The following PER2 variants were observed in gnomAD, a reference collection of about 807,000 sequenced individuals.
The protein encoded by PER2 is period circadian protein homolog 2.
In PER2, 66 loss-of-function variants were observed where a neutral mutation model predicts 121.0. That is an observed-to-expected ratio of 0.55 (90% CI 0.45 to 0.67). The LOEUF is 0.67. PER2 is among the 30% of genes least tolerant of loss of function. PER2 has a pLI of 0.00. For missense variants in PER2, 1,521 were observed against 1,635.0 expected, an observed-to-expected ratio of 0.93 and a Z score of 1.20; for synonymous variants, 684 against 659.9, an observed-to-expected ratio of 1.04 and a Z score of -0.56.
At chr2:238,277,021 G>A in intron 3 of PER2, 110 bp downstream of exon 3, 1 of 843,992 alleles carries the variant, frequency 1.2e-6, no homozygotes. Context: ...ACACAGATGG[G>A]TTTTAGCACA....
intron 6 of PER2, among the ~76,000 whole-genome samples, chr2:238,269,308 C>CA (rs1696210956): frequency 6.6e-6 from 1 of 152,214 alleles, no homozygotes; most frequent in South Asian, 2.1e-4. Flanking sequence ...CTGCTGCAAA[C>CA]ACACCAACTA....
At chr2:238,257,513 A>G (rs965207196) in intron 16 of PER2, among the ~76,000 whole-genome samples, 3 of 152,118 alleles carry the variant, frequency 2.0e-5, no homozygotes, top group Non-Finnish European at 4.4e-5. Flanking sequence ...TCGCTCTGTC[A>G]CCCAGGCTGG....
intron 8 of PER2, among the ~76,000 whole-genome samples, chr2:238,267,697 G>A (rs867647996): frequency 7.4e-4 from 112 of 152,200 alleles, no homozygotes; most frequent in African/African-American, 2.6e-3. Context: ...GCTGAGGCAT[G>A]GGGCAGGGGA....
At chr2:238,246,737 G>A (rs144564480) in intron 22 of PER2, among the ~76,000 whole-genome samples, 98 of 152,292 alleles carry the variant, frequency 6.4e-4, no homozygotes, top group African/African-American at 2.2e-3. Flanking sequence ...TTAGCTGGGC[G>A]TGGTGGCAGG....
intron 9 of PER2, among the ~76,000 whole-genome samples, chr2:238,264,064 T>C (rs1039165642): frequency 6.6e-6 from 1 of 152,084 alleles, no homozygotes; most frequent in Non-Finnish European, 1.5e-5. Context: ...CTGGCTGTCC[T>C]TGGGCTTTGT....
intron 22 of PER2, chr2:238,247,586 T>G (rs1695482333): frequency 6.6e-6 from 1 of 152,398 alleles, no homozygotes; most frequent in South Asian, 2.1e-4. Context: ...AGATTACTAA[T>G]GCAGCAGCGG....
intron 4 of PER2, among the ~76,000 whole-genome samples, chr2:238,274,329 T>A (rs1351789582): frequency 5.3e-5 from 8 of 152,190 alleles, no homozygotes. Flanking sequence ...CCCGGACACA[T>A]GAAACCTGGG....
intron 8 of PER2, among the ~76,000 whole-genome samples, chr2:238,266,064 C>T (rs777875829): frequency 7.9e-5 from 12 of 152,008 alleles, no homozygotes; most frequent in Non-Finnish European, 1.5e-4. Context: ...CCACCACGCC[C>T]AGCTAATTTT....
chr2:238,258,668 T>C (rs1695836598), intron 14 of PER2, 24 bp from the exon 15 acceptor site: 1 of 1,611,936 alleles, frequency 6.2e-7, no homozygotes, highest in Admixed American at 1.7e-5. Context: ...AAAATTGTTC[T>C]TTCATTCATT....
chr2:238,275,928 G>A lies in PER2; in HGVS notation c.294-31C>T, dbSNP rs13391269. 0.011 allele frequency: 18,119 copies of A among 1,612,802 alleles called. 1,781 individuals are homozygous for A. The African/African-American group carries it at 0.21, about 19-fold the overall frequency. On this transcript the variant is annotated intron_variant, in intron 3 of 22. Coordinates refer to ENST00000254657, the MANE Select transcript of PER2 (RefSeq NM_022817.3). Reference sequence around the variant, plus strand: ...GGATTCAAGAAAGAGGCAGCCAAATGTTAGCTTCCTAGGTGTCCTTTCCTG... The same window carrying A: ...GGATTCAAGAAAGAGGCAGCCAAATATTAGCTTCCTAGGTGTCCTTTCCTG...
At chr2:238,264,301 G>A (rs1326238833) in intron 9 of PER2, among the ~76,000 whole-genome samples, 1 of 152,220 alleles carries the variant, frequency 6.6e-6, no homozygotes, top group African/African-American at 2.4e-5. Flanking sequence ...GGTTCCACAG[G>A]GCAGGGTGGT....
Position 238,251,189 on chromosome 2 carries a change from GGA to G in PER2, c.3274+408_3274+409del, listed in dbSNP as rs979681788. On this transcript the variant is annotated intron_variant, in intron 20 of 22. Coordinates refer to ENST00000254657, the MANE Select transcript of PER2 (RefSeq NM_022817.3). Reference sequence around the variant, plus strand: ...AGAAGTAGGGGAGCTTCAATTTTGTGGAGAGTGTGTACATTTCTGGTGCCTGA... The same window carrying G: ...AGAAGTAGGGGAGCTTCAATTTTGTGGAGTGTGTACATTTCTGGTGCCTGA... Among the ~76,000 whole-genome samples, 5 of 152,348 alleles carry G rather than the reference GGA, an allele frequency of 3.3e-5. No homozygotes were observed. The South Asian group carries it at 6.2e-4, about 19-fold the overall frequency.
rs1696195259 is a variant in PER2 at position 238,268,858 on chromosome 2, G to A, written c.824+65C>T. ...GGATCACGCCCCCCAGCCTCAAGCG[G>A]AGCAGTGCTGGGGTGAAATGTTTAT... is the stretch of plus-strand genomic sequence containing the variant. On this transcript the variant is annotated intron_variant, in intron 7 of 22. Coordinates refer to ENST00000254657, the MANE Select transcript of PER2 (RefSeq NM_022817.3). The surrounding 1 kb of genome is among the most constrained non-coding windows in gnomAD (Gnocchi z 4.0). 1 of 1,206,466 alleles carries A rather than the reference G, an allele frequency of 8.3e-7. No individual in the cohort carries two copies. Among genetic ancestry groups the A allele is most frequent in the South Asian group, 1.2e-5 (1 of 82,660 alleles). 74.7% of individuals were successfully genotyped at this position (1,206,466 alleles called of 1,614,324 possible).
chr2:238,249,313 CAAATTTCCTTTTCTTTAAA>C, intron 21 of PER2, 101 bp from the exon 22 acceptor site: 1 of 1,268,128 alleles, frequency 7.9e-7, no homozygotes, highest in Non-Finnish European at 1.1e-6. Flanking sequence ...TTGTTTAATG[CAAATTTCCTTTTCTTTAAA>C]AAAATTTTCA....
chr2:238,267,952 A>C, intron 8 of PER2, 104 bp downstream of exon 8: 12 of 1,278,698 alleles, frequency 9.4e-6, no homozygotes, highest in Non-Finnish European at 1.2e-5. Flanking sequence ...AGGCTGGGGA[A>C]CTGCAGCGGG....
chr2:238,252,592 T>C lies in PER2; in HGVS notation c.3111+320A>G, dbSNP rs980560271. Among the ~76,000 whole-genome samples, 1 of 152,242 alleles carries C rather than the reference T, an allele frequency of 6.6e-6. No homozygotes were observed. Among genetic ancestry groups the C allele is most frequent in the African/African-American group, 2.4e-5 (1 of 41,458 alleles). ...CCCTAGCTCTGGTATTTAACCTGAC[T>C]GTGCTTTATCTCTGAAGCGTCATTT... On this transcript the variant is annotated intron_variant, in intron 19 of 22. Coordinates refer to ENST00000254657, the MANE Select transcript of PER2 (RefSeq NM_022817.3). This position sits in a 1 kb window ranked among gnomAD's most constrained non-coding sequence, Gnocchi z 4.2.
At position 238,262,188 on chromosome 2, in the gene PER2, C is replaced by T. The variant is rs1472222921; in HGVS notation, c.1307+3G>A. The stretch of plus-strand genomic sequence containing the variant: ...AGCCACCTCGGGCCCTTGGAGCACT[C>T]ACACCCTGACTTTGTGCCTCCCAAT... On this transcript the variant is annotated splice_donor_region_variant and intron_variant, in intron 11 of 22. Transcript: ENST00000254657. The T allele has an allele frequency of 1.2e-6, 2 of 1,613,566 alleles. No individual in the cohort carries two copies. The highest frequency in any genetic ancestry group is 2.2e-5 in the South Asian group (2 of 91,048).
Position 238,268,753 on chromosome 2 carries a change from G to A in PER2, c.824+170C>T, listed in dbSNP as rs572685196. Among the ~76,000 whole-genome samples, 2 of 152,316 alleles carry A rather than the reference G, an allele frequency of 1.3e-5. No homozygotes were observed. Among genetic ancestry groups the A allele is most frequent in the East Asian group, 3.9e-4 (2 of 5,168 alleles). On this transcript the variant is annotated intron_variant, in intron 7 of 22. Transcript: ENST00000254657. This position sits in a 1 kb window ranked among gnomAD's most constrained non-coding sequence, Gnocchi z 4.0. ...CTCCACTGCTGGCCGCATTCTTAGC[G>A]ACCTGTACACATTTAAAATGTAACT...
intron 3 of PER2, among the ~76,000 whole-genome samples, chr2:238,276,191 G>C (rs1203804862): frequency 7.9e-5 from 12 of 152,080 alleles, no homozygotes; most frequent in Admixed American, 7.9e-4. Flanking sequence ...GAGATGTTCT[G>C]GTCTGGGTGG....
Sources: allele counts gnomAD v4.1 joint callset (sites outside exome capture counted in the v4.1 genomes callset), GRCh38; gene constraint gnomAD v4.1.1; non-coding constraint Gnocchi (gnomAD v3.1); transcripts MANE v1.5; gene names NCBI Gene and HGNC (gene_info 2026-07-23, HGNC 2026-07-21).